Variants in EXOC6B observed in about 807,000 individuals in gnomAD.
The protein encoded by EXOC6B is exocyst complex component 6B.
EXOC6B carries 54 observed loss-of-function variants against 113.5 expected under a neutral mutation model. That is an observed-to-expected ratio of 0.48 (90% CI 0.38 to 0.60). EXOC6B has a LOEUF of 0.60. Among genes scored for constraint, EXOC6B ranks in the 20% least tolerant of loss-of-function variants. EXOC6B has a pLI of 0.00. For missense variants in EXOC6B, 797 were observed against 977.5 expected, an observed-to-expected ratio of 0.82 and a Z score of 2.46; for synonymous variants, 357 against 339.0, an observed-to-expected ratio of 1.05 and a Z score of -0.58.
At chr2:72,446,635 G>A (rs1696601132) in intron 18 of EXOC6B, among the ~76,000 whole-genome samples, 1 of 152,074 alleles carries the variant, frequency 6.6e-6, no homozygotes, top group Non-Finnish European at 1.5e-5. Flanking sequence ...GGGAGAGTGG[G>A]AAGAAGGAGC....
At chr2:72,553,855 A>G (rs1703380087) in intron 8 of EXOC6B, among the ~76,000 whole-genome samples, 1 of 152,182 alleles carries the variant, frequency 6.6e-6, no homozygotes, top group African/African-American at 2.4e-5. Flanking sequence ...TGAGGCACTA[A>G]AAAGTATAAG....
intron 20 of EXOC6B, among the ~76,000 whole-genome samples, chr2:72,238,236 T>A (rs1300470258): frequency 1.3e-5 from 2 of 152,238 alleles, no homozygotes; most frequent in Non-Finnish European, 2.9e-5. Flanking sequence ...GTGGCACACA[T>A]CATTACTTCA....
chr2:72,597,155 G>T (rs1403577189), intron 6 of EXOC6B, among the ~76,000 whole-genome samples: 1 of 150,920 alleles, frequency 6.6e-6, no homozygotes, highest in Non-Finnish European at 1.5e-5. Flanking sequence ...CCACTAAATT[G>T]TTCACTTAAA....
chr2:72,750,800 T>G (rs1293805536), intron 1 of EXOC6B, among the ~76,000 whole-genome samples: 1 of 152,124 alleles, frequency 6.6e-6, no homozygotes, highest in African/African-American at 2.4e-5. Context: ...AATAACCAAC[T>G]GAAGCAAAGG....
chr2:72,517,366 G>C (rs796070813), intron 8 of EXOC6B, among the ~76,000 whole-genome samples: 1 of 152,138 alleles, frequency 6.6e-6, no homozygotes, highest in Non-Finnish European at 1.5e-5. Flanking sequence ...TGGTTCATGG[G>C]TTATGGTTTG....
chr2:72,189,860 C>CTTCCTTT (rs1178321834), intron 20 of EXOC6B, among the ~76,000 whole-genome samples: 1 of 87,252 alleles, frequency 1.1e-5, no homozygotes, highest in African/African-American at 6.5e-5. Context: ...CCTTCTTCTT[C>CTTCCTTT]TTTTTTTTTT....
intron 15 of EXOC6B, 95 bp downstream of exon 15, chr2:72,495,335 A>C (rs11689707): frequency 0.14 from 87,946 of 618,252 alleles, 9,948 homozygotes; most frequent in African/African-American, 0.46. Flanking sequence ...TTCCAAAATC[A>C]GGGCTGACGG....
chr2:72,552,644 G>C (rs1225117323), intron 8 of EXOC6B, among the ~76,000 whole-genome samples: 2 of 151,770 alleles, frequency 1.3e-5, no homozygotes, highest in Non-Finnish European at 2.9e-5. Flanking sequence ...ACAACAAAAA[G>C]GAGTTAAATT....
chr2:72,452,694 A>G (rs1484600350), intron 18 of EXOC6B, among the ~76,000 whole-genome samples: 1 of 152,212 alleles, frequency 6.6e-6, no homozygotes, highest in Non-Finnish European at 1.5e-5. Context: ...TATTTGGCTG[A>G]AGTTACAGCT....
At chr2:72,193,855 GC>G (rs11313087) in intron 20 of EXOC6B, among the ~76,000 whole-genome samples, 14,130 of 152,156 alleles carry the variant, frequency 0.093, 1,060 homozygotes, top group African/African-American at 0.21. Flanking sequence ...GCTGCTACCT[GC>G]TTTTTTCTAG....
chr2:72,512,226 C>G (rs1281915084), intron 11 of EXOC6B, among the ~76,000 whole-genome samples: 1 of 151,894 alleles, frequency 6.6e-6, no homozygotes, highest in Non-Finnish European at 1.5e-5. Flanking sequence ...CTCTTCCAAT[C>G]AAAATATAAC....
At chr2:72,395,597 A>C (rs993508054) in intron 18 of EXOC6B, among the ~76,000 whole-genome samples, 6 of 152,166 alleles carry the variant, frequency 3.9e-5, no homozygotes, top group African/African-American at 1.4e-4. Context: ...AGAATGGTGC[A>C]TGAACCAACA....
intron 20 of EXOC6B, among the ~76,000 whole-genome samples, chr2:72,202,829 C>T (rs1307203485): frequency 1.3e-5 from 2 of 152,086 alleles, no homozygotes; most frequent in Admixed American, 6.5e-5. Context: ...CCAAACTTTC[C>T]CACCTCCTGT....
chr2:72,801,344 G>C (rs573964252), intron 1 of EXOC6B, among the ~76,000 whole-genome samples: 26 of 152,238 alleles, frequency 1.7e-4, no homozygotes, highest in African/African-American at 6.0e-4. Flanking sequence ...AAGAAGATAA[G>C]TGTGCTCTCT....
intron 8 of EXOC6B, among the ~76,000 whole-genome samples, chr2:72,545,028 CT>C: frequency 6.6e-6 from 1 of 152,002 alleles, no homozygotes; most frequent in East Asian, 1.9e-4. Flanking sequence ...ATTCAAGTAT[CT>C]TTGTGAGAAA....
At chr2:72,726,188 T>C (rs1680290281) in intron 5 of EXOC6B, among the ~76,000 whole-genome samples, 2 of 152,136 alleles carry the variant, frequency 1.3e-5, no homozygotes, top group African/African-American at 2.4e-5. Flanking sequence ...GGCAAATCTA[T>C]GGGGTCAGAA....
rs1185325047 is a variant in EXOC6B, at chr2:72,754,413, G to A, written c.114-12944C>T. 1.3e-5 allele frequency among the ~76,000 whole-genome samples: 2 copies of A among 150,558 alleles called. 1 individual carries two copies. The highest frequency in any genetic ancestry group is 4.2e-4 in the South Asian group (2 of 4,766). ...ACCAATTTCTTTTTTTTTCTTTTTG[G>A]TAGAGATGAGGTCTTGCTACATTGC... On this transcript the variant is annotated intron_variant, in intron 1 of 21. Transcript: ENST00000272427.
At chr2:72,183,198 C>A (rs1678202116) in intron 21 of EXOC6B, among the ~76,000 whole-genome samples, 1 of 152,154 alleles carries the variant, frequency 6.6e-6, no homozygotes, top group East Asian at 1.9e-4. Context: ...GGTTGACTGG[C>A]CATATATGTA....
chr2:72,183,525 A>C (rs1678224186), intron 21 of EXOC6B, among the ~76,000 whole-genome samples: 1 of 152,124 alleles, frequency 6.6e-6, no homozygotes, highest in Admixed American at 6.5e-5. Context: ...CAAGAATTAG[A>C]CACCTTCTCC....
Sources: allele counts gnomAD v4.1 joint callset (sites outside exome capture counted in the v4.1 genomes callset), GRCh38; gene constraint gnomAD v4.1.1; transcripts MANE v1.5; gene names NCBI Gene and HGNC (gene_info 2026-07-23, HGNC 2026-07-21).